The following DPP6 variants were observed in gnomAD, a reference collection of about 807,000 sequenced individuals.
DPP6 encodes the protein A-type potassium channel modulatory protein DPP6.
Under a neutral mutation model 122.6 loss-of-function variants are expected in DPP6, and 69 were observed. The ratio of observed to expected loss-of-function variants is 0.56; its 90% CI spans 0.46 to 0.69. The LOEUF is 0.69. Ranked by LOEUF, DPP6 falls within the 30% of genes least tolerant of loss-of-function variation. DPP6 has a pLI of 0.00. For synonymous variants in DPP6, 418 were observed against 433.1 expected, an observed-to-expected ratio of 0.97 and a Z score of 0.43; for missense variants, 928 against 1,116.9, an observed-to-expected ratio of 0.83 and a Z score of 2.41.
intron 1 of DPP6, among the ~76,000 whole-genome samples, chr7:154,220,149 G>A (rs1235419619): frequency 2.0e-5 from 3 of 152,194 alleles, no homozygotes; most frequent in Non-Finnish European, 4.4e-5. Context: ...TAATGTGATA[G>A]TATCAAGAGA....
chr7:154,215,538 C>T (rs543098179), intron 1 of DPP6, among the ~76,000 whole-genome samples: 5 of 152,232 alleles, frequency 3.3e-5, no homozygotes, highest in East Asian at 1.9e-4. Context: ...CAGTTAAGAT[C>T]GTCACACTCA....
chr7:154,353,685 T>A (rs34115948), intron 1 of DPP6, among the ~76,000 whole-genome samples: 12 of 152,116 alleles, frequency 7.9e-5, no homozygotes, highest in African/African-American at 2.7e-4. Context: ...GATTTCCTGC[T>A]GCAAATCAAC....
chr7:153,952,477 G>T (rs769106905), intron 1 of DPP6, among the ~76,000 whole-genome samples: 14 of 152,060 alleles, frequency 9.2e-5, no homozygotes, highest in Non-Finnish European at 1.9e-4. Context: ...GCAAATTAAA[G>T]AAAGTGTTTT....
At chr7:153,782,521 G>A in the DPP6 span, among the ~76,000 whole-genome samples, 1 of 152,172 alleles carries the variant, frequency 6.6e-6, no homozygotes, top group South Asian at 2.1e-4. Context: ...GCAGTTATGT[G>A]AGCTCAAACC....
chr7:154,143,291 T>C (rs1488365243), intron 1 of DPP6, among the ~76,000 whole-genome samples: 1 of 152,224 alleles, frequency 6.6e-6, no homozygotes, highest in Admixed American at 6.5e-5. Flanking sequence ...AGTTCTAACA[T>C]GGAGACTGCT....
At chr7:154,536,135 A>G (rs1311652270) in intron 3 of DPP6, among the ~76,000 whole-genome samples, 5 of 152,194 alleles carry the variant, frequency 3.3e-5, no homozygotes, top group Non-Finnish European at 7.3e-5. Context: ...ACATTAATAC[A>G]TGGAATAACA....
At chr7:154,708,814 G>A (rs1586930489) in intron 7 of DPP6, among the ~76,000 whole-genome samples, 1 of 152,326 alleles carries the variant, frequency 6.6e-6, no homozygotes, top group African/African-American at 2.4e-5. Context: ...TTAGGAGGCA[G>A]AGACAGACGG....
At chr7:153,812,015 C>A in the DPP6 span, among the ~76,000 whole-genome samples, 4 of 150,552 alleles carry the variant, frequency 2.7e-5, no homozygotes, top group African/African-American at 9.8e-5. Context: ...GTGTTTTTAC[C>A]GCCCAAATGC....
rs369703394 is a variant in DPP6, at chr7:154,876,165, C to T, written c.2078+65C>T. 128 of 1,473,522 alleles carry T rather than the reference C, an allele frequency of 8.7e-5. 1 individual carries two copies. In the East Asian group the frequency reaches 1.2e-3, roughly 14 times the overall value. The allele number at this position is 1,473,522 out of a possible 1,614,324, so 91.3% of individuals were successfully genotyped here. ...ACGGGGCTCCTCATGGGGGCAGCAC[C>T]GCAGTCACAGTGCGGGAATGCTTTT... On this transcript the variant is annotated intron_variant, in intron 20 of 25. Transcript: ENST00000377770.
Position 154,430,703 on chromosome 7 carries a change from G to A in DPP6, c.244-15511G>A, listed in dbSNP as rs770238844. Among the ~76,000 whole-genome samples the A allele has an allele frequency of 3.2e-4, 48 of 152,154 alleles. 1 individual carries two copies. Among genetic ancestry groups the A allele is most frequent in the Admixed American group, 2.0e-3 (30 of 15,280 alleles). ...TAGGTCATGGCTGCTGATAGCCACC[G>A]TGTGTTGACTGCCCACTCTGTGCTT... On this transcript the variant is annotated intron_variant, in intron 1 of 25. Coordinates refer to ENST00000377770, the MANE Select transcript of DPP6 (RefSeq NM_130797.4).
At chr7:153,822,181 CTTTTTTTTT>C in the DPP6 span, among the ~76,000 whole-genome samples, 35 of 61,864 alleles carry the variant, frequency 5.7e-4, no homozygotes, top group Non-Finnish European at 8.2e-4. Flanking sequence ...GGGGGGGAAT[CTTTTTTTTT>C]TTTTTTTTTT....
intron 1 of DPP6, among the ~76,000 whole-genome samples, chr7:154,122,460 A>G (rs1047807229): frequency 2.6e-5 from 4 of 152,256 alleles, no homozygotes; most frequent in African/African-American, 9.6e-5. Flanking sequence ...TCTATTATAT[A>G]AAATAAACCG....
the DPP6 span, among the ~76,000 whole-genome samples, chr7:153,782,464 G>A: frequency 2.6e-5 from 4 of 152,258 alleles, no homozygotes; most frequent in South Asian, 2.1e-4. Flanking sequence ...AGAGAGCAGC[G>A]GCCTTGAACA....
chr7:154,817,127 G>C (rs1346172455), intron 16 of DPP6, among the ~76,000 whole-genome samples: 1 of 152,100 alleles, frequency 6.6e-6, no homozygotes, highest in Admixed American at 6.5e-5. Context: ...TGCCATTAAG[G>C]TGTCCTGCAA....
intron 20 of DPP6, among the ~76,000 whole-genome samples, chr7:154,876,653 G>A (rs891768802): frequency 3.3e-5 from 5 of 152,142 alleles, no homozygotes; most frequent in East Asian, 1.9e-4. Flanking sequence ...AAGAGCAACC[G>A]ACATCACAGA....
chr7:154,567,713 G>T (rs540003161), intron 5 of DPP6, among the ~76,000 whole-genome samples: 2 of 152,310 alleles, frequency 1.3e-5, no homozygotes, highest in East Asian at 3.9e-4. Context: ...TTGAAATAGA[G>T]TTTCCTGGTG....
chr7:154,595,720 G>A (rs1221062411), intron 5 of DPP6, among the ~76,000 whole-genome samples: 1 of 152,256 alleles, frequency 6.6e-6, no homozygotes, highest in African/African-American at 2.4e-5. Context: ...ATTTGCAAAG[G>A]AGGCTGTGCC....
intron 6 of DPP6, among the ~76,000 whole-genome samples, chr7:154,646,045 A>AAAAAAAAAAAAAC (rs1554421912): frequency 6.8e-6 from 1 of 147,566 alleles, no homozygotes; most frequent in Admixed American, 6.7e-5. Context: ...AAAAAAAAAA[A>AAAAAAAAAAAAAC]GAAAATACTG....
intron 1 of DPP6, among the ~76,000 whole-genome samples, chr7:154,443,550 G>T (rs1819577146): frequency 6.6e-6 from 1 of 151,552 alleles, no homozygotes; most frequent in African/African-American, 2.4e-5. Context: ...ATGAGTGAAT[G>T]GATGGACGGA....
Sources: allele counts gnomAD v4.1 joint callset (sites outside exome capture counted in the v4.1 genomes callset), GRCh38; gene constraint gnomAD v4.1.1; transcripts MANE v1.5; gene names NCBI Gene and HGNC (gene_info 2026-07-23, HGNC 2026-07-21).